PTCD3: variants seen among roughly 807,000 people sequenced by gnomAD.
PTCD3 encodes the protein pentatricopeptide repeat domain 3.
A neutral mutation model predicts 101.9 loss-of-function variants in PTCD3; 89 were observed. That is an observed-to-expected ratio of 0.87 (90% CI 0.74 to 1.04). The LOEUF (loss-of-function observed/expected upper bound fraction) is 1.04, where lower values mean the gene tolerates loss of function less well. Among genes scored for constraint, PTCD3 ranks in the 50% least tolerant of loss-of-function variants. The probability of loss-of-function intolerance (pLI) is 0.00; values close to 1 mark genes in which losing one functional copy is unlikely to be tolerated. For missense variants in PTCD3, 870 were observed against 828.2 expected, an observed-to-expected ratio of 1.05 and a Z score of -0.62; for synonymous variants, 296 against 278.5, an observed-to-expected ratio of 1.06 and a Z score of -0.63.
At chr2:86,124,814 G>A (rs1674353998) in intron 9 of PTCD3, among the ~76,000 whole-genome samples, 181 bp from the exon 10 acceptor site, 1 of 152,126 alleles carries the variant, frequency 6.6e-6, no homozygotes, top group East Asian at 1.9e-4. Context: ...CATTAAGATC[G>A]TTAAGTCTTG....
chr2:86,112,671 G>C (rs1423776982), intron 4 of PTCD3, among the ~76,000 whole-genome samples: 3 of 108,544 alleles, frequency 2.8e-5, no homozygotes, highest in Admixed American at 2.5e-4. Flanking sequence ...GAGTTAGTGA[G>C]ACTCTGTCTC....
rs1674181718 is a variant in PTCD3, at chr2:86,116,546, C to T, written c.257C>T (p.Pro86Leu). ...TTTCCACAGGATACCACAGCTGTGC[C>T]TTATGTGTTTCAAGATGATCCTTAC... Reference protein sequence around the residue: ...STVNRDTTAVPYVFQDDPYLM... With the variant: ...STVNRDTTAVLYVFQDDPYLM... Residue 86 changes from proline to leucine, a missense_variant, in exon 5 of 24, where the codon CCT becomes CTT. Coordinates refer to ENST00000254630, the MANE Select transcript of PTCD3 (RefSeq NM_017952.6). 1 of 1,609,628 alleles carries T rather than the reference C, an allele frequency of 6.2e-7. No individual in the cohort carries two copies.
chr2:86,106,444 G>A, intron 1 of PTCD3, 93 bp downstream of exon 1: 3 of 1,343,770 alleles, frequency 2.2e-6, no homozygotes, highest in Non-Finnish European at 3.1e-6. Context: ...ACGATGAAAT[G>A]GTTTGCTCAT....
chr2:86,125,180 G>A, intron 10 of PTCD3, 98 bp downstream of exon 10: 3 of 1,519,810 alleles, frequency 2.0e-6, no homozygotes, highest in Non-Finnish European at 1.8e-6. Context: ...TTTGTTGTGG[G>A]GTCTGTCCTG....
chr2:86,106,399 A>T (rs1396648006), intron 1 of PTCD3, 48 bp downstream of exon 1: 1 of 1,563,692 alleles, frequency 6.4e-7, no homozygotes, highest in Non-Finnish European at 8.7e-7. Context: ...GAGTCACCTT[A>T]GTCCTATGTT....
intron 3 of PTCD3, among the ~76,000 whole-genome samples, chr2:86,110,630 C>T (rs890353130): frequency 2.0e-5 from 3 of 152,144 alleles, no homozygotes; most frequent in Non-Finnish European, 4.4e-5. Flanking sequence ...GAGGTTGCAT[C>T]AGAATTATCT....
rs528668602 is a variant in PTCD3, at chr2:86,113,198, T to C, written c.240+2040T>C. ...TGGGACAAAGGAAATTCTTGGTACA[T>C]TGTATTTTGTTACTGCTACTACTGT... On this transcript the variant is annotated intron_variant, in intron 4 of 23. Transcript: ENST00000254630. 9.3e-4 allele frequency among the ~76,000 whole-genome samples: 141 copies of C among 152,338 alleles called. 2 individuals are homozygous for C. The South Asian group carries it at 0.028, about 30-fold the overall frequency.
intron 12 of PTCD3, among the ~76,000 whole-genome samples, 190 bp from the exon 13 acceptor site, chr2:86,126,971 T>TTAGC (rs1674407712): frequency 6.6e-6 from 1 of 152,180 alleles, no homozygotes; most frequent in Non-Finnish European, 1.5e-5. Flanking sequence ...GGTGTTTGAA[T>TTAGC]TAGCAGGCTT....
intron 1 of PTCD3, chr2:86,107,051 G>A (rs1673969348): frequency 2.2e-6 from 1 of 455,670 alleles, no homozygotes. Flanking sequence ...ATAACCATCC[G>A]AAAAGTTTGT....
Position 86,137,799 on chromosome 2 carries a change from G to A in PTCD3, c.*240G>A. 4.6e-6 allele frequency: 2 copies of A among 438,308 alleles called. No individual in the cohort carries two copies. The highest frequency in any genetic ancestry group is 8.3e-6 in the Non-Finnish European group (2 of 240,326). The allele number at this position is 438,308 out of a possible 1,614,324, so 27.2% of individuals were successfully genotyped here. On this transcript the variant is annotated 3_prime_UTR_variant, in exon 24 of 24. Coordinates refer to ENST00000254630, the MANE Select transcript of PTCD3 (RefSeq NM_017952.6). ...TTAGCATTTAAGTAGCAACATTGCG[G>A]TTTTCAGACACATGGTGAGGTCCAT...
At chr2:86,135,637 G>A (rs1264560126) in intron 21 of PTCD3, among the ~76,000 whole-genome samples, 1 of 152,176 alleles carries the variant, frequency 6.6e-6, no homozygotes, top group African/African-American at 2.4e-5. Flanking sequence ...ATATAAATGT[G>A]TGTTCTAAAA....
chr2:86,124,944 C>T (rs1254154924), intron 9 of PTCD3, 51 bp from the exon 10 acceptor site: 7 of 1,602,222 alleles, frequency 4.4e-6, no homozygotes, highest in Non-Finnish European at 6.0e-6. Flanking sequence ...GGTGGTAGCT[C>T]TCATTGGTAT....
intron 21 of PTCD3, among the ~76,000 whole-genome samples, 155 bp from the exon 22 acceptor site, chr2:86,136,366 G>A (rs1436740908): frequency 6.6e-6 from 1 of 152,202 alleles, no homozygotes; most frequent in African/African-American, 2.4e-5. Context: ...CACAGGGCTG[G>A]GAGCTAGTAG....
rs921382839 is a variant in PTCD3 at position 86,119,723 on chromosome 2, G to C, written c.538+679G>C. 2.6e-5 allele frequency: 4 copies of C among 152,242 alleles called. No individual in the cohort carries two copies. The East Asian group carries it at 7.7e-4, about 29-fold the overall frequency. 9.4% of individuals were successfully genotyped at this position (152,242 alleles called of 1,614,324 possible). A position where few individuals can be genotyped will look rare whatever the true frequency, so the allele number is the denominator to read the frequency against. ...ACACAAGAAAGAAATACGTGAAAAG[G>C]AAAGCACACTCAACTAGGATCAGGG... On this transcript the variant is annotated intron_variant, in intron 7 of 23. Coordinates refer to ENST00000254630, the MANE Select transcript of PTCD3 (RefSeq NM_017952.6).
At position 86,108,372 on chromosome 2, in the gene PTCD3, C is replaced by G; in HGVS notation, c.127C>G (p.Leu43Val). ...CAGATTTTATTCTGGTAGTGCAACC[C>G]TCTCAAAGGTTGAAGGAACTGATGT... Reference protein sequence around the residue: ...SCRFYSGSATLSKVEGTDVTG... With the variant: ...SCRFYSGSATVSKVEGTDVTG... The change falls in exon 2 of 24, where the codon CTC becomes GTC. Residue 43 changes from leucine to valine, a missense_variant. Physicochemically the swap from Leu to Val is conservative, Grantham distance 32 (BLOSUM62 1). Coordinates refer to ENST00000254630, the MANE Select transcript of PTCD3 (RefSeq NM_017952.6). 1.9e-6 allele frequency: 3 copies of G among 1,608,744 alleles called. No homozygotes were observed. The South Asian group carries it at 3.3e-5, about 18-fold the overall frequency.
intron 4 of PTCD3, 89 bp from the exon 5 acceptor site, chr2:86,116,441 G>A: frequency 9.3e-7 from 1 of 1,078,028 alleles, no homozygotes; most frequent in Non-Finnish European, 1.4e-6. Context: ...GGAGGCTGAG[G>A]CAGGAGAATC....
Position 86,137,134 on chromosome 2 carries a change from A to T in PTCD3, c.1973A>T (p.Glu658Val). The change falls in exon 23 of 24, where the codon GAA (glutamate) becomes GTA (valine). Residue 658 changes from glutamate to valine, a missense_variant. Transcript: ENST00000254630. ...RVMSDFAINQ[E>V]QKEALSNLTA... is the part of the protein sequence containing the mutation. Reference sequence around the variant, plus strand: ...ATGAGTGATTTTGCAATCAACCAGGAACAAAAGTAAGTGGTCACCATGAAG... The same window carrying T: ...ATGAGTGATTTTGCAATCAACCAGGTACAAAAGTAAGTGGTCACCATGAAG... 6.3e-7 allele frequency: 1 copy of T among 1,583,348 alleles called. No homozygotes were observed. Among genetic ancestry groups the T allele is most frequent in the Non-Finnish European group, 8.6e-7 (1 of 1,165,994 alleles).
At chr2:86,131,908 T>C (rs1297037166) in intron 16 of PTCD3, among the ~76,000 whole-genome samples, 1 of 152,212 alleles carries the variant, frequency 6.6e-6, no homozygotes, top group African/African-American at 2.4e-5. Context: ...CTCTGGGTAC[T>C]CAAGCGTATG....
intron 12 of PTCD3, 85 bp from the exon 13 acceptor site, chr2:86,127,076 C>A: frequency 8.0e-7 from 1 of 1,257,214 alleles, no homozygotes; most frequent in Non-Finnish European, 1.1e-6. Context: ...AGCAAGAAAG[C>A]TAAATTCTTT....
Sources: gnomAD v4.1 joint callset for allele counts (sites outside exome capture counted in the v4.1 genomes callset) on GRCh38, gnomAD v4.1.1 for gene constraint, MANE v1.5 for transcripts, NCBI Gene and HGNC (gene_info 2026-07-23, HGNC 2026-07-21) for gene names.